The following MCHR2 variants were observed in gnomAD, a reference collection of about 807,000 sequenced individuals.
MCHR2 encodes the protein melanin-concentrating hormone receptor 2.
MCHR2 carries 15 observed loss-of-function variants against 24.8 expected under a neutral mutation model. The ratio of observed to expected loss-of-function variants is 0.60; its 90% CI spans 0.40 to 0.93. The LOEUF is 0.93. Ranked by LOEUF, MCHR2 falls within the 40% of genes least tolerant of loss-of-function variation. MCHR2 has a pLI of 0.00. For missense variants in MCHR2, 386 were observed against 408.7 expected (o/e 0.94, Z 0.48); for synonymous variants, 151 against 147.6 (o/e 1.02, Z -0.17).
rs1009966082 is a variant in MCHR2 at position 99,919,068 on chromosome 6, C to T, written c.*1872G>A. 2.6e-5 allele frequency among the ~76,000 whole-genome samples: 4 copies of T among 152,148 alleles called. No homozygotes were observed. The highest frequency in any genetic ancestry group is 7.2e-5 in the African/African-American group (3 of 41,426). On this transcript the variant is annotated 3_prime_UTR_variant, in exon 6 of 6. Coordinates refer to ENST00000281806, the MANE Select transcript of MCHR2 (RefSeq NM_001040179.2). ...TCAGAAGTCAATATTATTCACTGAG[C>T]CCGGACTGTTGCATCTTAGAAAAGT...
At chr6:99,979,969 A>G (rs1037803045) in intron 1 of MCHR2, among the ~76,000 whole-genome samples, 1 of 152,236 alleles carries the variant, frequency 6.6e-6, no homozygotes, top group Non-Finnish European at 1.5e-5. Context: ...CAACTGATCT[A>G]CAAGATTTTG....
chr6:99,929,418 G>T (rs1774451101), intron 5 of MCHR2, among the ~76,000 whole-genome samples: 1 of 152,104 alleles, frequency 6.6e-6, no homozygotes, highest in Admixed American at 6.5e-5. Context: ...TCATTGATCT[G>T]TCTAATGTTG....
chr6:99,919,493 G>C lies in MCHR2; in HGVS notation c.*1447C>G, dbSNP rs1774181904. Among the ~76,000 whole-genome samples the C allele has an allele frequency of 6.6e-6, 1 of 152,150 alleles. No homozygotes were observed. On this transcript the variant is annotated 3_prime_UTR_variant, in exon 6 of 6. Transcript: ENST00000281806. Reference sequence around the variant, plus strand: ...GGAGAAAACAAATTTAATGTATTTAGATGAAGAAGGTGGGTTTACAGACTT... The same window carrying C: ...GGAGAAAACAAATTTAATGTATTTACATGAAGAAGGTGGGTTTACAGACTT...
intron 4 of MCHR2, among the ~76,000 whole-genome samples, chr6:99,935,596 A>G (rs1774641083): frequency 6.6e-6 from 1 of 151,870 alleles, no homozygotes; most frequent in Non-Finnish European, 1.5e-5. Context: ...ATTATACTTT[A>G]TCCATTCACC....
At chr6:99,930,765 C>T (rs963304046) in intron 5 of MCHR2, among the ~76,000 whole-genome samples, 1 of 152,124 alleles carries the variant, frequency 6.6e-6, no homozygotes, top group Non-Finnish European at 1.5e-5. Flanking sequence ...AAGTTTTTAA[C>T]TTCTTTCCCT....
At chr6:99,930,610 T>G (rs1484919591) in intron 5 of MCHR2, among the ~76,000 whole-genome samples, 1 of 152,246 alleles carries the variant, frequency 6.6e-6, no homozygotes, top group Non-Finnish European at 1.5e-5. Context: ...ACTGATACCC[T>G]TTCTTCCAAT....
chr6:99,975,044 T>A (rs1775519959), intron 1 of MCHR2, among the ~76,000 whole-genome samples: 1 of 152,226 alleles, frequency 6.6e-6, no homozygotes, highest in African/African-American at 2.4e-5. Flanking sequence ...GGAGGCAGTC[T>A]GCCCGTTCTC....
intron 1 of MCHR2, among the ~76,000 whole-genome samples, chr6:99,982,987 G>A (rs983269393): frequency 6.6e-6 from 1 of 151,988 alleles, no homozygotes; most frequent in Admixed American, 6.6e-5. Flanking sequence ...TAGAGTCAGG[G>A]TCTTGCTCTG....
At position 99,993,992 on chromosome 6, in the gene MCHR2, G is replaced by C. The variant is rs1775940794; in HGVS notation, c.-84C>G. 1 of 152,190 alleles carries C rather than the reference G, an allele frequency of 6.6e-6. No homozygotes were observed. 9.4% of individuals were successfully genotyped at this position (152,190 alleles called of 1,614,324 possible). A position where few individuals can be genotyped will look rare whatever the true frequency, so the allele number is the denominator to read the frequency against. ...CAGCCCGGGCGCCCTTCCTCTCTGC[G>C]GGACTGCAGGTCTATCCGCTAAGCG... On this transcript the variant is annotated 5_prime_UTR_variant, in exon 1 of 6. Coordinates refer to ENST00000281806, the MANE Select transcript of MCHR2 (RefSeq NM_001040179.2).
Position 99,918,993 on chromosome 6 carries a change from C to T in MCHR2, c.*1947G>A, listed in dbSNP as rs1582360310. Among the ~76,000 whole-genome samples the T allele has an allele frequency of 6.6e-6, 1 of 152,088 alleles. No homozygotes were observed. Among genetic ancestry groups the T allele is most frequent in the East Asian group, 1.9e-4 (1 of 5,194 alleles). On this transcript the variant is annotated 3_prime_UTR_variant, in exon 6 of 6. Coordinates refer to ENST00000281806, the MANE Select transcript of MCHR2 (RefSeq NM_001040179.2). ...AAAAAACAATGAAAGTAAGCAATTGCTCTTCAATTATCACATAATAAGATG... is the reference window on the plus strand; with the variant it reads ...AAAAAACAATGAAAGTAAGCAATTGTTCTTCAATTATCACATAATAAGATG...
intron 5 of MCHR2, among the ~76,000 whole-genome samples, chr6:99,926,697 T>G (rs1375185091): frequency 1.3e-5 from 2 of 152,234 alleles, no homozygotes. Flanking sequence ...GTTTTTTTCT[T>G]GTAAATCTGT....
intron 5 of MCHR2, among the ~76,000 whole-genome samples, chr6:99,922,106 ATT>A (rs34099388): frequency 0.018 from 2,262 of 125,840 alleles, 44 homozygotes; most frequent in African/African-American, 0.059. Context: ...CCATTTGTCC[ATT>A]TTTTTTTTTT....
At chr6:99,984,220 T>C (rs1020673552) in intron 1 of MCHR2, among the ~76,000 whole-genome samples, 7 of 141,098 alleles carry the variant, frequency 5.0e-5, no homozygotes, top group African/African-American at 2.0e-4. Context: ...CATTTTTCAC[T>C]GTATCTTTTT....
rs369833155 is a variant in MCHR2, at chr6:99,967,292, G to C, written c.-27-11118C>G. The stretch of plus-strand genomic sequence containing the variant: ...CTTCATACATACACAATTTATTCAT[G>C]ATGACTAGGACAAGCAAAAGGAGAA... On this transcript the variant is annotated intron_variant, in intron 1 of 5. Coordinates refer to ENST00000281806, the MANE Select transcript of MCHR2 (RefSeq NM_001040179.2). Among the ~76,000 whole-genome samples the C allele has an allele frequency of 1.6e-4, 24 of 152,098 alleles. No homozygotes were observed. In the East Asian group the frequency reaches 4.1e-3, roughly 26 times the overall value.
At chr6:99,965,055 C>T (rs1006735061) in intron 1 of MCHR2, among the ~76,000 whole-genome samples, 9 of 152,096 alleles carry the variant, frequency 5.9e-5, no homozygotes, top group Non-Finnish European at 8.8e-5. Context: ...AGTTGTGACT[C>T]GTTAAGTGAT....
At chr6:99,926,121 G>C (rs1214169723) in intron 5 of MCHR2, among the ~76,000 whole-genome samples, 1 of 152,046 alleles carries the variant, frequency 6.6e-6, no homozygotes, top group Non-Finnish European at 1.5e-5. Context: ...TACTGAGAAT[G>C]ATGATTTCCA....
At chr6:99,955,902 G>A (rs1204861488) in intron 2 of MCHR2, 64 bp downstream of exon 2, 13 of 1,325,344 alleles carry the variant, frequency 9.8e-6, no homozygotes, top group Non-Finnish European at 1.3e-5. Context: ...ACTCATTTAG[G>A]GAGCTTTGAC....
At chr6:99,943,432 C>G (rs1275721122) in intron 3 of MCHR2, among the ~76,000 whole-genome samples, 2 of 150,660 alleles carry the variant, frequency 1.3e-5, no homozygotes, top group Non-Finnish European at 3.0e-5. Flanking sequence ...TGTGCTGCAC[C>G]CATTAACTCG....
intron 3 of MCHR2, among the ~76,000 whole-genome samples, chr6:99,944,396 T>C (rs1453240180): frequency 1.3e-5 from 2 of 152,134 alleles, no homozygotes; most frequent in Non-Finnish European, 2.9e-5. Context: ...ATTAAACAAA[T>C]GTAAAAATGG....
Sources: gnomAD v4.1 joint callset for allele counts (sites outside exome capture counted in the v4.1 genomes callset) on GRCh38, gnomAD v4.1.1 for gene constraint, MANE v1.5 for transcripts, NCBI Gene and HGNC (gene_info 2026-07-23, HGNC 2026-07-21) for gene names.